TRPM6: variants seen among roughly 807,000 people sequenced by gnomAD.
The protein encoded by TRPM6 is transient receptor potential cation channel subfamily M member 6.
Under a neutral mutation model 247.6 loss-of-function variants are expected in TRPM6, and 111 were observed. The ratio of observed to expected loss-of-function variants is 0.45; its 90% CI spans 0.38 to 0.52. The LOEUF (loss-of-function observed/expected upper bound fraction) is 0.52, where lower values mean the gene tolerates loss of function less well. TRPM6 is among the 20% of genes least tolerant of loss of function. TRPM6 has a pLI of 0.00. For missense variants in TRPM6, 2,126 were observed against 2,421.5 expected, an observed-to-expected ratio of 0.88 and a Z score of 2.56; for synonymous variants, 892 against 853.8, an observed-to-expected ratio of 1.04 and a Z score of -0.78.
intron 25 of TRPM6, among the ~76,000 whole-genome samples, chr9:74,764,143 A>G (rs941521708): frequency 2.0e-5 from 3 of 151,480 alleles, no homozygotes; most frequent in South Asian, 2.1e-4. Flanking sequence ...AAAAAAAAGT[A>G]AAAATTAATT....
chr9:74,855,953 T>C (rs1009302185), intron 2 of TRPM6, among the ~76,000 whole-genome samples: 2 of 152,172 alleles, frequency 1.3e-5, no homozygotes, highest in African/African-American at 2.4e-5. Context: ...TAGCTACTAT[T>C]ATTATTAAAC....
intron 21 of TRPM6, among the ~76,000 whole-genome samples, chr9:74,784,533 G>C (rs1289771123): frequency 1.3e-5 from 2 of 152,198 alleles, no homozygotes; most frequent in Non-Finnish European, 2.9e-5. Flanking sequence ...CACGATTTAA[G>C]AGTGTGATGG....
intron 16 of TRPM6, among the ~76,000 whole-genome samples, chr9:74,801,243 ATTTTTTTT>A (rs59490187): frequency 2.3e-5 from 2 of 85,252 alleles, no homozygotes; most frequent in Non-Finnish European, 2.1e-5. Flanking sequence ...AAGCCTGGGA[ATTTTTTTT>A]TTTTTTTTTT....
intron 25 of TRPM6, among the ~76,000 whole-genome samples, chr9:74,767,313 A>G (rs1365184867): frequency 6.6e-6 from 1 of 152,232 alleles, no homozygotes. Context: ...TCCACAGAAC[A>G]GAGAAAGGGA....
At chr9:74,748,790 T>C (rs1260960287) in intron 30 of TRPM6, among the ~76,000 whole-genome samples, 1 of 152,192 alleles carries the variant, frequency 6.6e-6, no homozygotes, top group Non-Finnish European at 1.5e-5. Flanking sequence ...CTAAGGTTAA[T>C]TGGTTATTTT....
chr9:74,770,443 C>T (rs1826992380), intron 25 of TRPM6, among the ~76,000 whole-genome samples: 1 of 152,194 alleles, frequency 6.6e-6, no homozygotes, highest in South Asian at 2.1e-4. Context: ...CATATTTTCA[C>T]ACGATGCCAT....
intron 37 of TRPM6, among the ~76,000 whole-genome samples, chr9:74,732,284 A>C (rs1447338538): frequency 6.6e-6 from 1 of 152,236 alleles, no homozygotes; most frequent in Non-Finnish European, 1.5e-5. Flanking sequence ...TTTTATAAGC[A>C]TATGATGGAA....
intron 36 of TRPM6, among the ~76,000 whole-genome samples, chr9:74,733,222 TA>T (rs569374554): frequency 2.0e-4 from 30 of 149,078 alleles, no homozygotes; most frequent in African/African-American, 7.1e-4. Flanking sequence ...AAAAAGCACG[TA>T]AAAAAAATCT....
chr9:74,849,115 C>T (rs1041038737), intron 3 of TRPM6, among the ~76,000 whole-genome samples: 1 of 152,084 alleles, frequency 6.6e-6, no homozygotes, highest in East Asian at 1.9e-4. Flanking sequence ...TTCGGGAGGC[C>T]GAGGTGGGCA....
chr9:74,879,892 AC>A (rs1228504765), intron 1 of TRPM6, among the ~76,000 whole-genome samples: 2 of 152,148 alleles, frequency 1.3e-5, no homozygotes, highest in East Asian at 3.9e-4. Context: ...GGTCATGGGA[AC>A]CCCAACTTGA....
At chr9:74,746,045 A>T (rs906995873) in intron 31 of TRPM6, among the ~76,000 whole-genome samples, 10 of 152,150 alleles carry the variant, frequency 6.6e-5, no homozygotes, top group African/African-American at 2.2e-4. Context: ...GATTGAGACC[A>T]TCCTGGCTAA....
Position 74,750,725 on chromosome 9 carries a change from G to A in TRPM6, c.4999-3C>T, listed in dbSNP as rs753231349. On this transcript the variant is annotated splice_polypyrimidine_tract_variant and splice_region_variant and intron_variant, in intron 29 of 38. Coordinates refer to ENST00000360774, the MANE Select transcript of TRPM6 (RefSeq NM_017662.5). ...CACAAAGAGTTTTTGCTGAGATCCTGAGCAGAAGGGAAAGGCCGTTACGTG... is the reference window on the plus strand; with the variant it reads ...CACAAAGAGTTTTTGCTGAGATCCTAAGCAGAAGGGAAAGGCCGTTACGTG... 6.2e-7 allele frequency: 1 copy of A among 1,613,800 alleles called. No individual in the cohort carries two copies. The highest frequency in any genetic ancestry group is 8.5e-7 in the Non-Finnish European group (1 of 1,179,746).
rs12336062 is a variant in TRPM6 at position 74,800,084 on chromosome 9, T to C, written c.2238+170A>G. On this transcript the variant is annotated intron_variant, in intron 17 of 38. Transcript: ENST00000360774. ...CCCCGATAGAGGAAGACCAATCTTCTGTCAAGGGTATACGAGTAGCTGCAG... is the reference window on the plus strand; with the variant it reads ...CCCCGATAGAGGAAGACCAATCTTCCGTCAAGGGTATACGAGTAGCTGCAG... 267,747 of 658,114 alleles carry C rather than the reference T, an allele frequency of 0.41. 57,353 individuals carry two copies. The highest frequency in any genetic ancestry group is 0.67 in the African/African-American group (36,954 of 55,264). 40.8% of individuals were successfully genotyped at this position (658,114 alleles called of 1,614,324 possible). A position where few individuals can be genotyped will look rare whatever the true frequency, so the allele number is the denominator to read the frequency against.
At chr9:74,736,669 A>G (rs754369882) in intron 36 of TRPM6, among the ~76,000 whole-genome samples, 4 of 152,198 alleles carry the variant, frequency 2.6e-5, no homozygotes, top group South Asian at 2.1e-4. Context: ...CATAACATTC[A>G]TTCTATGATG....
chr9:74,875,177 C>T (rs570505462), intron 1 of TRPM6: 10 of 447,232 alleles, frequency 2.2e-5, no homozygotes, highest in African/African-American at 1.2e-4. Context: ...GCAGGTCAGA[C>T]AACAAAACTG....
chr9:74,783,553 G>A (rs1827537329), intron 21 of TRPM6, among the ~76,000 whole-genome samples: 1 of 152,162 alleles, frequency 6.6e-6, no homozygotes, highest in African/African-American at 2.4e-5. Flanking sequence ...GGAGCTAAAT[G>A]TTCACATAGC....
intron 1 of TRPM6, among the ~76,000 whole-genome samples, chr9:74,872,931 C>A (rs1831075061): frequency 6.6e-6 from 1 of 152,156 alleles, no homozygotes; most frequent in Non-Finnish European, 1.5e-5. Flanking sequence ...AGCTTATAAT[C>A]TTTTAAAATA....
intron 14 of TRPM6, chr9:74,804,553 C>T (rs1028321654): frequency 2.7e-6 from 2 of 739,458 alleles, no homozygotes; most frequent in African/African-American, 1.7e-5. Flanking sequence ...AACGCGGTGA[C>T]CAAGGAGGAA....
chr9:74,850,567 A>T (rs1414616025), intron 3 of TRPM6, among the ~76,000 whole-genome samples: 2 of 151,986 alleles, frequency 1.3e-5, no homozygotes, highest in Non-Finnish European at 2.9e-5. Flanking sequence ...TAAAAATACA[A>T]AAATTATCCA....
Sources: allele counts gnomAD v4.1 joint callset (sites outside exome capture counted in the v4.1 genomes callset), GRCh38; gene constraint gnomAD v4.1.1; transcripts MANE v1.5; gene names NCBI Gene and HGNC (gene_info 2026-07-23, HGNC 2026-07-21).